GARIN2: variants seen among roughly 807,000 people sequenced by gnomAD.
The protein encoded by GARIN2 is Golgi-associated RAB2 interactor protein 2.
chr14:67,219,199 T>C, the GARIN2 span, among the ~76,000 whole-genome samples: 1 of 152,200 alleles, frequency 6.6e-6, no homozygotes, highest in Non-Finnish European at 1.5e-5. Context: ...GGGCTTGTGA[T>C]GACTGTGGGA....
chr14:67,207,789 A>G, the GARIN2 span, among the ~76,000 whole-genome samples: 1 of 152,144 alleles, frequency 6.6e-6, no homozygotes, highest in Non-Finnish European at 1.5e-5. Flanking sequence ...ACAAAAAAAA[A>G]TTTCTTTTAT....
At chr14:67,206,745 T>G in the GARIN2 span, among the ~76,000 whole-genome samples, 1 of 151,918 alleles carries the variant, frequency 6.6e-6, no homozygotes, top group Non-Finnish European at 1.5e-5. Context: ...TTATTATTAT[T>G]ATTTTGAGAC....
chr14:67,208,204 A>G, the GARIN2 span: 33,041 of 1,612,392 alleles, frequency 0.02, 1,067 homozygotes, highest in African/African-American at 0.11. Flanking sequence ...TTTTAAAGGA[A>G]AAATTGAAAA....
chr14:67,193,562 TATCTATATAG>T, the GARIN2 span, among the ~76,000 whole-genome samples: 1 of 144,784 alleles, frequency 6.9e-6, no homozygotes, highest in Non-Finnish European at 1.5e-5. Flanking sequence ...TATAGATCTA[TATCTATATAG>T]ATCTATATAT....
At chr14:67,224,452 G>C in the GARIN2 span, among the ~76,000 whole-genome samples, 1 of 151,790 alleles carries the variant, frequency 6.6e-6, no homozygotes, top group Non-Finnish European at 1.5e-5. Flanking sequence ...AGTAGAGATG[G>C]GGTTTCATTG....
the GARIN2 span, chr14:67,223,778 CCT>C: frequency 7.1e-6 from 7 of 985,150 alleles, no homozygotes; most frequent in Non-Finnish European, 8.4e-6. Flanking sequence ...CAGTTTTTCC[CCT>C]GATTAGCATT....
the GARIN2 span, chr14:67,223,705 T>A: frequency 1.0e-6 from 1 of 975,360 alleles, no homozygotes; most frequent in Admixed American, 6.2e-5. Flanking sequence ...TATTTCTTAT[T>A]TCTTTCCACC....
At chr14:67,226,340 C>T in the GARIN2 span, among the ~76,000 whole-genome samples, 1 of 151,338 alleles carries the variant, frequency 6.6e-6, no homozygotes, top group Non-Finnish European at 1.5e-5. Flanking sequence ...TACAGACAAG[C>T]ACCACCACAA....
the GARIN2 span, among the ~76,000 whole-genome samples, chr14:67,191,499 C>T: frequency 6.6e-6 from 1 of 152,138 alleles, no homozygotes; most frequent in Non-Finnish European, 1.5e-5. Flanking sequence ...TTTTCAGATT[C>T]CCACTCTCTC....
chr14:67,195,713 T>TGTG, the GARIN2 span, among the ~76,000 whole-genome samples: 2 of 143,232 alleles, frequency 1.4e-5, no homozygotes, highest in African/African-American at 5.1e-5. Flanking sequence ...TTCTTTTTGG[T>TGTG]TGTGTGTGTG....
chr14:67,198,182 G>C, the GARIN2 span: 1 of 1,612,890 alleles, frequency 6.2e-7, no homozygotes, highest in Non-Finnish European at 8.5e-7. Context: ...ACACCAGCAA[G>C]ACTACCATGA....
the GARIN2 span, chr14:67,225,415 G>A: frequency 3.9e-6 from 2 of 510,552 alleles, no homozygotes; most frequent in Admixed American, 4.2e-5. Context: ...GGGGTTTGTT[G>A]TGGTTTCTGC....
chr14:67,204,125 T>C, the GARIN2 span, among the ~76,000 whole-genome samples: 1 of 152,128 alleles, frequency 6.6e-6, no homozygotes, highest in Non-Finnish European at 1.5e-5. Context: ...TGAGTCTCAC[T>C]CTTCAAACTA....
chr14:67,198,023 C>T, the GARIN2 span: 1 of 989,102 alleles, frequency 1.0e-6, no homozygotes, highest in Non-Finnish European at 1.5e-6. Flanking sequence ...TGGTGCAGTG[C>T]CAAGCATATC....
At chr14:67,224,713 A>G in the GARIN2 span, 1 of 292,666 alleles carries the variant, frequency 3.4e-6, no homozygotes, top group East Asian at 1.2e-4. Context: ...AAGGATAGAG[A>G]TTCAAGAAAA....
chr14:67,221,944 G>T, the GARIN2 span: 3 of 1,090,062 alleles, frequency 2.8e-6, no homozygotes, highest in East Asian at 5.2e-5. Flanking sequence ...TCTTCACTAT[G>T]CTCCATTCTG....
At chr14:67,196,382 A>G in the GARIN2 span, among the ~76,000 whole-genome samples, 3 of 151,802 alleles carry the variant, frequency 2.0e-5, no homozygotes, top group Non-Finnish European at 2.9e-5. Context: ...ATGCCAGGCT[A>G]ATTTTTATAT....
the GARIN2 span, chr14:67,201,533 G>A: frequency 2.2e-6 from 1 of 455,826 alleles, no homozygotes; most frequent in East Asian, 6.9e-5. Context: ...GTGGCTCTGA[G>A]AAACGTTTTC....
At chr14:67,213,347 A>G in the GARIN2 span, among the ~76,000 whole-genome samples, 1 of 116,360 alleles carries the variant, frequency 8.6e-6, no homozygotes, top group African/African-American at 3.5e-5. Flanking sequence ...CTGGAGTGTG[A>G]TGTTCCCCTT....
Sources: allele counts gnomAD v4.1 joint callset (sites outside exome capture counted in the v4.1 genomes callset), GRCh38; gene constraint gnomAD v4.1.1; transcripts MANE v1.5; gene names NCBI Gene and HGNC (gene_info 2026-07-23, HGNC 2026-07-21).